The following KIFAP3 variants were observed in gnomAD, a reference collection of about 807,000 sequenced individuals.
The protein encoded by KIFAP3 is kinesin-associated protein 3.
KIFAP3 carries 68 observed loss-of-function variants against 106.5 expected under a neutral mutation model. The ratio of observed to expected loss-of-function variants is 0.64; its 90% CI spans 0.53 to 0.78. The LOEUF (loss-of-function observed/expected upper bound fraction) is 0.78. Among genes scored for constraint, KIFAP3 ranks in the 30% least tolerant of loss-of-function variants. The probability of loss-of-function intolerance (pLI) is 0.00; values close to 1 mark genes in which losing one functional copy is unlikely to be tolerated. For missense variants in KIFAP3, 780 were observed against 941.8 expected (o/e 0.83, Z 2.25); for synonymous variants, 320 against 311.5 (o/e 1.03, Z -0.29).
At position 170,035,436 on chromosome 1, in the gene KIFAP3, A is replaced by T; in HGVS notation, c.617+18T>A. On this transcript the variant is annotated intron_variant, in intron 6 of 19. Coordinates refer to ENST00000361580, the MANE Select transcript of KIFAP3 (RefSeq NM_014970.4). ...TAGAGATACAGTAGCCTTTTTATTT[A>T]ATAATTTTTATACTTACCTGGAGAA... 1 of 1,491,776 alleles carries T rather than the reference A, an allele frequency of 6.7e-7. No individual in the cohort carries two copies. The highest frequency in any genetic ancestry group is 1.9e-5 in the Admixed American group (1 of 52,438). The allele number at this position is 1,491,776 out of a possible 1,614,324, so 92.4% of individuals were successfully genotyped here.
At chr1:169,994,809 C>T (rs1393306840) in intron 10 of KIFAP3, among the ~76,000 whole-genome samples, 4 of 151,786 alleles carry the variant, frequency 2.6e-5, no homozygotes, top group Admixed American at 2.6e-4. Context: ...GTAAATTTCA[C>T]ATTTCTTCTA....
intron 11 of KIFAP3, 22 bp from the exon 12 acceptor site, chr1:169,984,712 A>T: frequency 7.5e-7 from 1 of 1,328,788 alleles, no homozygotes; most frequent in South Asian, 1.2e-5. Context: ...CACAGGGCAC[A>T]TTTTACTCAA....
intron 11 of KIFAP3, among the ~76,000 whole-genome samples, chr1:169,989,223 TAA>T (rs951506981): frequency 5.9e-5 from 9 of 152,024 alleles, no homozygotes; most frequent in African/African-American, 1.9e-4. Flanking sequence ...TCATTTAAAA[TAA>T]AATTTTACAT....
intron 10 of KIFAP3, among the ~76,000 whole-genome samples, chr1:169,997,063 T>C (rs1314046368): frequency 1.3e-5 from 2 of 152,172 alleles, no homozygotes; most frequent in Admixed American, 6.6e-5. Context: ...GCTTAAAACA[T>C]AGGTAGACTG....
chr1:169,991,720 A>G (rs899593653), intron 11 of KIFAP3, among the ~76,000 whole-genome samples: 6 of 152,124 alleles, frequency 3.9e-5, no homozygotes, highest in Admixed American at 1.3e-4. Context: ...GCTTACATTC[A>G]TTTTTATGTG....
At chr1:170,075,284 A>C (rs1376421019), upstream of KIFAP3, among the ~76,000 whole-genome samples, 1 of 152,222 alleles carries the variant, frequency 6.6e-6, no homozygotes, top group African/African-American at 2.4e-5. Context: ...TTTTAACTGC[A>C]TGTTCTCTGG....
intron 1 of KIFAP3, among the ~76,000 whole-genome samples, chr1:170,060,159 C>A (rs995910234): frequency 7.2e-5 from 11 of 152,230 alleles, no homozygotes; most frequent in Admixed American, 6.5e-4. Flanking sequence ...GTTGGAAGTT[C>A]TGGCCAGGGC....
chr1:169,987,195 T>C (rs1666870384), intron 11 of KIFAP3, among the ~76,000 whole-genome samples: 1 of 152,078 alleles, frequency 6.6e-6, no homozygotes, highest in Non-Finnish European at 1.5e-5. Context: ...TGCTGACAAC[T>C]AGAAAATATT....
chr1:169,981,174 G>T (rs183423779), intron 15 of KIFAP3, among the ~76,000 whole-genome samples: 387 of 152,246 alleles, frequency 2.5e-3, no homozygotes, highest in Non-Finnish European at 4.3e-3. Context: ...CTTATCTGTG[G>T]TTTTTCTTTC....
intron 16 of KIFAP3, among the ~76,000 whole-genome samples, 197 bp from the exon 17 acceptor site, chr1:169,972,795 TAAAA>T (rs1341592589): frequency 1.3e-5 from 2 of 151,204 alleles, no homozygotes; most frequent in African/African-American, 4.9e-5. Flanking sequence ...AGTAGGGACA[TAAAA>T]AAGAGAAAAA....
intron 19 of KIFAP3, among the ~76,000 whole-genome samples, chr1:169,944,279 C>T (rs1300322054): frequency 1.3e-5 from 2 of 152,222 alleles, no homozygotes; most frequent in Non-Finnish European, 2.9e-5. Flanking sequence ...GCTCCAGGCA[C>T]TGGTACAGGT....
At chr1:169,991,717 T>C (rs1222475578) in intron 11 of KIFAP3, among the ~76,000 whole-genome samples, 3 of 152,118 alleles carry the variant, frequency 2.0e-5, no homozygotes, top group Non-Finnish European at 2.9e-5. Context: ...TTTGCTTACA[T>C]TCATTTTTAT....
At position 170,046,771 on chromosome 1, in the gene KIFAP3, T is replaced by C. The variant is rs758737269; in HGVS notation, c.260A>G (p.Asn87Ser). The change falls in exon 3 of 20, where the codon AAT (asparagine) becomes AGT (serine). Residue 87 changes from asparagine to serine, a missense_variant. Physicochemically the swap from Asn to Ser is conservative, Grantham distance 46. Around this residue, in one of 3 missense-constraint regions of KIFAP3, gnomAD observed 588 missense variants for 678.9 expected, o/e 0.87. Transcript: ENST00000361580. ...ECKLIHPSKL[N>S]EVEQLLYYLQ... is the part of the protein sequence containing the mutation. ...ATAGTACAACAGCTGTTCTACCTCATTTAGTTTTGAAGGATGAATGAGTTT... is the reference window on the plus strand; with the variant it reads ...ATAGTACAACAGCTGTTCTACCTCACTTAGTTTTGAAGGATGAATGAGTTT... The C allele has an allele frequency of 7.5e-6, 12 of 1,609,206 alleles. No homozygotes were observed. The highest frequency in any genetic ancestry group is 1.0e-5 in the Non-Finnish European group (12 of 1,177,468).
chr1:169,968,220 C>T (rs1364434535), intron 17 of KIFAP3, among the ~76,000 whole-genome samples: 2 of 151,896 alleles, frequency 1.3e-5, no homozygotes, highest in African/African-American at 4.8e-5. Flanking sequence ...TTTGATTTTA[C>T]ATGGAATGTG....
chr1:169,934,105 T>C (rs1455184256), intron 19 of KIFAP3, among the ~76,000 whole-genome samples: 1 of 152,136 alleles, frequency 6.6e-6, no homozygotes, highest in African/African-American at 2.4e-5. Context: ...GCTTAGGAAA[T>C]TCTGGCTTCT....
chr1:169,983,244 G>T (rs2057249), intron 13 of KIFAP3, 26 bp downstream of exon 13: 1,263,619 of 1,373,556 alleles, frequency 0.92, 581,754 homozygotes, highest in East Asian at 1. Flanking sequence ...CAGTCTATTT[G>T]AATAGAAAGC....
chr1:169,958,662 T>C (rs564590256), intron 18 of KIFAP3, among the ~76,000 whole-genome samples: 3 of 152,270 alleles, frequency 2.0e-5, no homozygotes, highest in African/African-American at 7.2e-5. Context: ...ATTCCAGTAA[T>C]ACATTCACAT....
Position 169,972,607 on chromosome 1 carries a change from A to C in KIFAP3, c.1898-9T>G. 1 of 1,448,748 alleles carries C rather than the reference A, an allele frequency of 6.9e-7. No homozygotes were observed. The highest frequency in any genetic ancestry group is 9.6e-7 in the Non-Finnish European group (1 of 1,044,226). 89.7% of individuals were successfully genotyped at this position (1,448,748 alleles called of 1,614,324 possible). A position where few individuals can be genotyped will look rare whatever the true frequency, so the allele number is the denominator to read the frequency against. The stretch of plus-strand genomic sequence containing the variant: ...GAGATATGCTGGAGCCTCTGAATAA[A>C]AATGGTTAAAGAAACAAACTACATT... On this transcript the variant is annotated splice_polypyrimidine_tract_variant and intron_variant, in intron 16 of 19. Transcript: ENST00000361580.
At position 170,014,193 on chromosome 1, in the gene KIFAP3, T is replaced by C. The variant is rs186000723; in HGVS notation, c.1183+2269A>G. Among the ~76,000 whole-genome samples, 544 of 152,334 alleles carry C rather than the reference T, an allele frequency of 3.6e-3. 7 individuals are homozygous for C. The highest frequency in any genetic ancestry group is 0.012 in the African/African-American group (494 of 41,586). ...ATAGAATACATCAGATTAATTTCCC[T>C]TGAGCAGATTTCTGATTATAACCTA... is the stretch of plus-strand genomic sequence containing the variant. On this transcript the variant is annotated intron_variant, in intron 10 of 19. Transcript: ENST00000361580.
Sources: allele counts gnomAD v4.1 joint callset (sites outside exome capture counted in the v4.1 genomes callset), GRCh38; gene constraint gnomAD v4.1.1; regional missense constraint gnomAD v4.1.1; transcripts MANE v1.5; gene names NCBI Gene and HGNC (gene_info 2026-07-23, HGNC 2026-07-21).